Variants in POU6F2 observed in about 807,000 individuals in gnomAD.
The protein encoded by POU6F2 is POU domain, class 6, transcription factor 2.
In POU6F2, 31 loss-of-function variants were observed where a neutral mutation model predicts 71.3. That is an observed-to-expected ratio of 0.43 (90% CI 0.33 to 0.59). The LOEUF is 0.59. Among genes scored for constraint, POU6F2 ranks in the 20% least tolerant of loss-of-function variants. The probability of loss-of-function intolerance (pLI) is 0.04; values close to 1 mark genes in which losing one functional copy is unlikely to be tolerated. For missense variants in POU6F2, 783 were observed against 856.8 expected, an observed-to-expected ratio of 0.91 and a Z score of 1.07; for synonymous variants, 347 against 355.7, an observed-to-expected ratio of 0.98 and a Z score of 0.27.
At position 39,233,517 on chromosome 7, in the gene POU6F2, G is replaced by A. The variant is rs1478822818; in HGVS notation, c.598+25897G>A. ...GACTTGTAGGAAGGGTCTGTCCCGAGGCTGATCTACTTCCCTCCCTCCCAG... is the reference window on the plus strand; with the variant it reads ...GACTTGTAGGAAGGGTCTGTCCCGAAGCTGATCTACTTCCCTCCCTCCCAG... On this transcript the variant is annotated intron_variant, in intron 4 of 9. Coordinates refer to ENST00000518318, the MANE Select transcript of POU6F2 (RefSeq NM_001370959.1). Among the ~76,000 whole-genome samples the A allele has an allele frequency of 3.3e-5, 5 of 152,290 alleles. No homozygotes were observed. In the South Asian group the frequency reaches 1.0e-3, roughly 32 times the overall value.
chr7:39,047,969 A>G (rs1790324252), intron 1 of POU6F2, among the ~76,000 whole-genome samples: 1 of 151,844 alleles, frequency 6.6e-6, no homozygotes, highest in Non-Finnish European at 1.5e-5. Context: ...ATTAATCTGC[A>G]ATTTTATTTT....
intron 1 of POU6F2, among the ~76,000 whole-genome samples, chr7:39,025,475 C>T (rs1461345750): frequency 1.3e-5 from 2 of 152,024 alleles, no homozygotes; most frequent in East Asian, 1.9e-4. Context: ...CTTTGACAAA[C>T]CTGAGAAAAA....
At chr7:39,206,491 T>A (rs62443962) in intron 3 of POU6F2, among the ~76,000 whole-genome samples, 15,430 of 152,324 alleles carry the variant, frequency 0.1, 869 homozygotes, top group Middle Eastern at 0.14. Flanking sequence ...TTTATCCACA[T>A]CAAATATTTT....
intron 1 of POU6F2, among the ~76,000 whole-genome samples, chr7:39,056,238 T>C (rs904870003): frequency 3.4e-4 from 51 of 152,182 alleles, no homozygotes; most frequent in African/African-American, 1.1e-3. Flanking sequence ...AGGATAGATG[T>C]TGTATGTTGT....
chr7:39,069,732 A>C (rs998101841), intron 1 of POU6F2, among the ~76,000 whole-genome samples: 1 of 152,226 alleles, frequency 6.6e-6, no homozygotes, highest in Non-Finnish European at 1.5e-5. Context: ...TATTAAGAAA[A>C]TCTTAAGGAA....
At chr7:39,303,537 A>AT (rs564590696) in intron 4 of POU6F2, among the ~76,000 whole-genome samples, 3 of 152,142 alleles carry the variant, frequency 2.0e-5, no homozygotes, top group Non-Finnish European at 4.4e-5. Context: ...ATTGTCCTCT[A>AT]TTTTTCACAA....
intron 5 of POU6F2, among the ~76,000 whole-genome samples, chr7:39,384,176 T>A (rs995352502): frequency 3.3e-5 from 5 of 152,304 alleles, no homozygotes; most frequent in African/African-American, 1.2e-4. Flanking sequence ...TTTGTTCCAC[T>A]AAAGTCTGGA....
At chr7:39,222,473 C>T (rs1238123442) in intron 4 of POU6F2, among the ~76,000 whole-genome samples, 1 of 152,120 alleles carries the variant, frequency 6.6e-6, no homozygotes, top group Non-Finnish European at 1.5e-5. Flanking sequence ...AGTACATTTA[C>T]ATTTCTGTGC....
intron 4 of POU6F2, among the ~76,000 whole-genome samples, chr7:39,254,059 C>G (rs1034472612): frequency 6.6e-6 from 1 of 152,160 alleles, no homozygotes; most frequent in African/African-American, 2.4e-5. Flanking sequence ...ATTGCACATG[C>G]TACCTCGTGT....
intron 6 of POU6F2, among the ~76,000 whole-genome samples, chr7:39,422,857 T>C (rs1168113384): frequency 6.6e-6 from 1 of 152,084 alleles, no homozygotes; most frequent in Non-Finnish European, 1.5e-5. Context: ...TCCTACAGAG[T>C]GGCTTTAAAA....
chr7:39,188,588 C>T (rs1274059796), intron 2 of POU6F2, among the ~76,000 whole-genome samples: 2 of 152,192 alleles, frequency 1.3e-5, no homozygotes, highest in Non-Finnish European at 2.9e-5. Context: ...GCTGGGAGTA[C>T]AGGCATGAGC....
intron 4 of POU6F2, among the ~76,000 whole-genome samples, chr7:39,260,442 TACAC>T (rs1006442028): frequency 4.9e-5 from 7 of 143,688 alleles, no homozygotes; most frequent in African/African-American, 1.6e-4. Context: ...ACACACCCCA[TACAC>T]ATACATACCA....
In POU6F2 at chr7:39,295,151, CT is replaced by C. The variant is rs544086922; in HGVS notation, c.599-44479del. Among the ~76,000 whole-genome samples the C allele has an allele frequency of 5.0e-3, 703 of 141,420 alleles. 3 individuals are homozygous for C. The highest frequency in any genetic ancestry group is 7.5e-3 in the Non-Finnish European group (486 of 64,394). The allele number at this position is 141,420 out of a possible 152,430, so 92.8% of individuals were successfully genotyped here. ...ATTGTTTTAAATGCTTGCTTGCTTG[CT>C]TTTTTTTTTTTCAAAATATTTAGTC... On this transcript the variant is annotated intron_variant, in intron 4 of 9. Coordinates refer to ENST00000518318, the MANE Select transcript of POU6F2 (RefSeq NM_001370959.1).
At chr7:39,026,480 C>G (rs559914348) in intron 1 of POU6F2, among the ~76,000 whole-genome samples, 9 of 152,174 alleles carry the variant, frequency 5.9e-5, no homozygotes, top group Admixed American at 5.9e-4. Context: ...AATCATCATT[C>G]TCAGTAAACT....
At chr7:39,000,530 G>GACACACACAC (rs5883670) in intron 1 of POU6F2, among the ~76,000 whole-genome samples, 18 of 141,146 alleles carry the variant, frequency 1.3e-4, no homozygotes, top group African/African-American at 4.5e-4. Context: ...CATACCCACA[G>GACACACACAC]ACACACACAC....
Position 39,387,862 on chromosome 7 carries a change from A to T in POU6F2, c.973-18738A>T, listed in dbSNP as rs547939430. The stretch of plus-strand genomic sequence containing the variant: ...CCAGCCATGGCCTCGAAAAGTGCAC[A>T]TCTAACATGTTCATGTGATTCCTGA... On this transcript the variant is annotated intron_variant, in intron 5 of 9. Coordinates refer to ENST00000518318, the MANE Select transcript of POU6F2 (RefSeq NM_001370959.1). Among the ~76,000 whole-genome samples, 645 of 152,310 alleles carry T rather than the reference A, an allele frequency of 4.2e-3. 4 individuals carry two copies. Among genetic ancestry groups the T allele is most frequent in the African/African-American group, 0.014 (594 of 41,560 alleles).
intron 4 of POU6F2, among the ~76,000 whole-genome samples, chr7:39,292,860 T>C (rs186768702): frequency 6.6e-6 from 1 of 152,192 alleles, no homozygotes; most frequent in African/African-American, 2.4e-5. Context: ...ATAATTGGGT[T>C]GGGGGGCTGC....
At chr7:39,146,779 A>G (rs1389297334) in intron 2 of POU6F2, among the ~76,000 whole-genome samples, 1 of 152,196 alleles carries the variant, frequency 6.6e-6, no homozygotes. Flanking sequence ...ACTCAGGAGT[A>G]GAATGAGTTG....
At chr7:39,274,829 G>T (rs1333539896) in intron 4 of POU6F2, among the ~76,000 whole-genome samples, 4 of 146,518 alleles carry the variant, frequency 2.7e-5, no homozygotes, top group East Asian at 2.0e-4. Context: ...ATGCAGAAAA[G>T]GCCTTTGACA....
Sources: gnomAD v4.1 joint callset for allele counts (sites outside exome capture counted in the v4.1 genomes callset) on GRCh38, gnomAD v4.1.1 for gene constraint, MANE v1.5 for transcripts, NCBI Gene and HGNC (gene_info 2026-07-23, HGNC 2026-07-21) for gene names.